Variants in NFIA observed in about 807,000 individuals in gnomAD.
NFIA encodes nuclear factor I A, also known as nuclear factor 1 A-type.
Under a neutral mutation model 62.8 loss-of-function variants are expected in NFIA, and 8 were observed. That is an observed-to-expected ratio of 0.13 (90% CI 0.07 to 0.23). NFIA has a LOEUF of 0.23. NFIA is among the 10% of genes least tolerant of loss of function. The pLI is 1.00. For missense variants in NFIA, 410 were observed against 642.1 expected, an observed-to-expected ratio of 0.64 and a Z score of 3.91; for synonymous variants, 235 against 238.1, an observed-to-expected ratio of 0.99 and a Z score of 0.12.
At chr1:61,281,166 G>A (rs998109848) in intron 3 of NFIA, among the ~76,000 whole-genome samples, 3 of 151,702 alleles carry the variant, frequency 2.0e-5, no homozygotes, top group Non-Finnish European at 4.4e-5. Context: ...TTGAATCCGG[G>A]CAGCAGATGT....
intron 1 of NFIA, among the ~76,000 whole-genome samples, chr1:61,083,654 GCGCCGAA>G (rs1646161957): frequency 6.6e-6 from 1 of 151,540 alleles, no homozygotes; most frequent in African/African-American, 2.4e-5. Context: ...GTTGTGCAGG[GCGCCGAA>G]CGCCGGAGGC....
In NFIA at chr1:61,382,202, C is replaced by G. The variant is rs186083599; in HGVS notation, c.947-1035C>G. Among the ~76,000 whole-genome samples, 75 of 152,146 alleles carry G rather than the reference C, an allele frequency of 4.9e-4. 1 individual carries two copies. Among genetic ancestry groups the G allele is most frequent in the African/African-American group, 1.4e-3 (60 of 41,526 alleles). On this transcript the variant is annotated intron_variant, in intron 6 of 10. Transcript: ENST00000403491. Reference sequence around the variant, plus strand: ...CAAATTTTCATTGTTTTAATTGGCACCCTATCAAACTGATAGATGCCTCCA... The same window carrying G: ...CAAATTTTCATTGTTTTAATTGGCAGCCTATCAAACTGATAGATGCCTCCA...
chr1:61,426,355 A>T, intron 9 of NFIA, 110 bp from the exon 10 acceptor site: 1 of 743,914 alleles, frequency 1.3e-6, no homozygotes, highest in Non-Finnish European at 2.3e-6. Context: ...CAGTGTTTGC[A>T]CATTTCCTTG....
Position 61,088,761 on chromosome 1 carries a change from C to T in NFIA, c.559+81C>T. On this transcript the variant is annotated intron_variant, in intron 2 of 10. Coordinates refer to ENST00000403491, the MANE Select transcript of NFIA (RefSeq NM_001134673.4). The surrounding 1 kb of genome is among the most constrained non-coding windows in gnomAD (Gnocchi z 4.5). ...GGCCTCCGCGTTATGCCGGATTCTT[C>T]CTGAGCTCCCCAAGTTGCAGGCCAC... 6.8e-7 allele frequency: 1 copy of T among 1,478,262 alleles called. No homozygotes were observed. The highest frequency in any genetic ancestry group is 9.0e-7 in the Non-Finnish European group (1 of 1,107,478). 91.6% of individuals were successfully genotyped at this position (1,478,262 alleles called of 1,614,324 possible). A position where few individuals can be genotyped will look rare whatever the true frequency, so the allele number is the denominator to read the frequency against.
rs1267535548 is a variant in NFIA, at chr1:61,461,229, C to G, written c.*5909C>G. On this transcript the variant is annotated 3_prime_UTR_variant, in exon 11 of 11. Coordinates refer to ENST00000403491, the MANE Select transcript of NFIA (RefSeq NM_001134673.4). ...ATTTTCTTAATGGACAATGTTCAAG[C>G]CAGGTACCCATGCTTGATCTGTCTT... 6.6e-6 allele frequency: 1 copy of G among 152,026 alleles called. No individual in the cohort carries two copies. The highest frequency in any genetic ancestry group is 1.5e-5 in the Non-Finnish European group (1 of 68,010). The allele number at this position is 152,026 out of a possible 1,614,324, so 9.4% of individuals were successfully genotyped here. A position where few individuals can be genotyped will look rare whatever the true frequency, so the allele number is the denominator to read the frequency against.
chr1:61,389,577 C>CT (rs1191820762), intron 7 of NFIA, among the ~76,000 whole-genome samples: 1 of 152,148 alleles, frequency 6.6e-6, no homozygotes, highest in Non-Finnish European at 1.5e-5. Flanking sequence ...AGTTCAGTGC[C>CT]TTTTTTGCCA....
intron 1 of NFIA, among the ~76,000 whole-genome samples, chr1:61,086,288 C>T: frequency 6.6e-6 from 1 of 152,020 alleles, no homozygotes; most frequent in East Asian, 1.9e-4. Context: ...TAGATCATTT[C>T]AAGGATGAGC....
intron 2 of NFIA, among the ~76,000 whole-genome samples, chr1:61,130,926 A>G (rs1647061166): frequency 6.6e-6 from 1 of 152,212 alleles, no homozygotes; most frequent in Admixed American, 6.5e-5. Flanking sequence ...GGGCTATGAC[A>G]GATTCATAAG....
At chr1:61,235,672 G>A (rs1654964196) in intron 2 of NFIA, among the ~76,000 whole-genome samples, 1 of 150,418 alleles carries the variant, frequency 6.6e-6, no homozygotes, top group African/African-American at 2.4e-5. Flanking sequence ...AAAAAGCTGG[G>A]TGTGGTGATG....
At chr1:61,304,643 T>C (rs1240359192) in intron 3 of NFIA, among the ~76,000 whole-genome samples, 1 of 146,944 alleles carries the variant, frequency 6.8e-6, no homozygotes, top group East Asian at 2.1e-4. Flanking sequence ...TTCTTCAAAT[T>C]CCTGCCATTT....
intron 7 of NFIA, among the ~76,000 whole-genome samples, chr1:61,396,670 G>A (rs564680432): frequency 2.6e-5 from 4 of 152,244 alleles, no homozygotes; most frequent in Admixed American, 6.5e-5. Flanking sequence ...TTGGGAGGCC[G>A]TGGGGAGGCC....
chr1:61,430,507 TAAC>T (rs1667054994), intron 10 of NFIA, among the ~76,000 whole-genome samples: 1 of 152,244 alleles, frequency 6.6e-6, no homozygotes, highest in Non-Finnish European at 1.5e-5. Flanking sequence ...TTCTTCCCCT[TAAC>T]AATATATTAT....
chr1:61,077,417 G>A (rs897892291), upstream of NFIA: 1 of 410,506 alleles, frequency 2.4e-6, no homozygotes, highest in African/African-American at 2.0e-5. Flanking sequence ...AGCGCGCCTT[G>A]CAATTGCAAA....
At chr1:61,393,552 G>C (rs1333744459) in intron 7 of NFIA, among the ~76,000 whole-genome samples, 1 of 151,794 alleles carries the variant, frequency 6.6e-6, no homozygotes, top group East Asian at 2.0e-4. Context: ...TGGGTCATTT[G>C]CTCACTTTTA....
intron 2 of NFIA, among the ~76,000 whole-genome samples, chr1:61,276,764 A>G (rs1657831226): frequency 6.6e-6 from 1 of 152,094 alleles, no homozygotes. Context: ...TTTCATTTAG[A>G]AATTAAGTTA....
chr1:61,433,871 G>A (rs762957881), intron 10 of NFIA, among the ~76,000 whole-genome samples: 10 of 152,104 alleles, frequency 6.6e-5, no homozygotes, highest in South Asian at 2.1e-4. Context: ...CTGATTCCAC[G>A]TGTCCTATGA....
rs552226640 is a variant in NFIA at position 61,193,331 on chromosome 1, T to C, written c.560-84189T>C. On this transcript the variant is annotated intron_variant, in intron 2 of 10. Coordinates refer to ENST00000403491, the MANE Select transcript of NFIA (RefSeq NM_001134673.4). ...TATTTTTCTTTTGATCACTGAATAC[T>C]ACAAGAAGGATCTTTTGTTTGCGTG... 5.3e-5 allele frequency among the ~76,000 whole-genome samples: 8 copies of C among 152,342 alleles called. No individual in the cohort carries two copies. In the South Asian group the frequency reaches 1.4e-3, roughly 28 times the overall value.
intron 2 of NFIA, among the ~76,000 whole-genome samples, chr1:61,174,349 G>C (rs985725805): frequency 3.3e-5 from 5 of 152,222 alleles, no homozygotes; most frequent in Non-Finnish European, 5.9e-5. Flanking sequence ...AGCTGCAAGC[G>C]TGCCTACACA....
At chr1:61,411,721 C>T (rs2092868) in intron 9 of NFIA, among the ~76,000 whole-genome samples, 79,305 of 151,028 alleles carry the variant, frequency 0.53, 21,042 homozygotes, top group South Asian at 0.61. Flanking sequence ...GAAATCAAGC[C>T]GAGAGGGGAG....
Sources: allele counts gnomAD v4.1 joint callset (sites outside exome capture counted in the v4.1 genomes callset), GRCh38; gene constraint gnomAD v4.1.1; non-coding constraint Gnocchi (gnomAD v3.1); transcripts MANE v1.5; gene names NCBI Gene and HGNC (gene_info 2026-07-23, HGNC 2026-07-21).